The following PTH2R variants were observed in gnomAD, a reference collection of about 807,000 sequenced individuals.
PTH2R encodes parathyroid hormone 2 receptor, also known as PTH2 receptor.
A neutral mutation model predicts 60.3 loss-of-function variants in PTH2R; 59 were observed. That is an observed-to-expected ratio of 0.98 (90% confidence interval 0.79 to 1.22). PTH2R has a LOEUF of 1.22. Among genes scored for constraint, PTH2R ranks in the 50% most tolerant of loss-of-function variants. The pLI, the probability that PTH2R is intolerant of heterozygous loss-of-function variation, is 0.00. For missense variants in PTH2R, 749 were observed against 682.6 expected, an observed-to-expected ratio of 1.10 and a Z score of -1.08; for synonymous variants, 256 against 243.8, an observed-to-expected ratio of 1.05 and a Z score of -0.47.
chr2:208,450,676 T>G, intron 7 of PTH2R, 73 bp from the exon 8 acceptor site: 1 of 1,412,392 alleles, frequency 7.1e-7, no homozygotes, highest in Non-Finnish European at 1.0e-6. Context: ...TATTCTTATA[T>G]ATGGTGAATT....
At chr2:208,483,835 C>G (rs1703214683) in intron 10 of PTH2R, among the ~76,000 whole-genome samples, 1 of 152,076 alleles carries the variant, frequency 6.6e-6, no homozygotes, top group African/African-American at 2.4e-5. Flanking sequence ...AAGAGTGATT[C>G]TTTTTTCAGA....
At chr2:208,473,906 T>C (rs2105899138) in intron 9 of PTH2R, among the ~76,000 whole-genome samples, 1 of 152,314 alleles carries the variant, frequency 6.6e-6, no homozygotes, top group African/African-American at 2.4e-5. Flanking sequence ...GAGAAGTATG[T>C]GACTTAGAAT....
At chr2:208,366,538 T>A (rs746889587) in intron 1 of PTH2R, among the ~76,000 whole-genome samples, 1 of 152,212 alleles carries the variant, frequency 6.6e-6, no homozygotes, top group Non-Finnish European at 1.5e-5. Context: ...TTTCAATTTG[T>A]ACAAGATCTA....
chr2:208,489,286 AATATTTCT>A, intron 11 of PTH2R, 136 bp downstream of exon 11: 1 of 1,063,840 alleles, frequency 9.4e-7, no homozygotes, highest in East Asian at 2.5e-5. Flanking sequence ...CAGAAAGGTC[AATATTTCT>A]ATAGTGCCTG....
intron 1 of PTH2R, among the ~76,000 whole-genome samples, chr2:208,368,359 C>T (rs554555084): frequency 6.6e-6 from 1 of 152,248 alleles, no homozygotes; most frequent in East Asian, 1.9e-4. Flanking sequence ...TCAGGCATTC[C>T]TCCATGCTTA....
intron 9 of PTH2R, among the ~76,000 whole-genome samples, chr2:208,462,579 T>C (rs138076547): frequency 3.3e-5 from 5 of 152,332 alleles, no homozygotes; most frequent in African/African-American, 9.6e-5. Context: ...TGAACCCAAG[T>C]TGATATGTTT....
rs1313500820 is a variant in PTH2R at position 208,481,155 on chromosome 2, A to G, written c.1067A>G (p.Lys356Arg). The change falls in exon 10 of 13, where the codon AAG (lysine) becomes AGG (arginine). Residue 356 changes from lysine to arginine, a missense_variant. Transcript: ENST00000272847. Reference protein sequence around the residue: ...ETNAVGHDTRKQYRKLAKSTL... With the variant: ...ETNAVGHDTRRQYRKLAKSTL... ...AATGCAGTTGGGCATGACACAAGGA[A>G]GCAATACAGGTAATTTCAGGAGAGG... is the stretch of plus-strand genomic sequence containing the variant. 3 of 1,603,892 alleles carry G rather than the reference A, an allele frequency of 1.9e-6. No homozygotes were observed. In the South Asian group the frequency reaches 3.3e-5, roughly 18 times the overall value.
chr2:208,403,613 T>C (rs1013374509), upstream of PTH2R, among the ~76,000 whole-genome samples: 8 of 152,182 alleles, frequency 5.3e-5, no homozygotes, highest in African/African-American at 1.9e-4. Context: ...TCAGTTATTA[T>C]TGGTGTGTAG....
At chr2:208,369,362 C>CT (rs1301290787) in intron 1 of PTH2R, among the ~76,000 whole-genome samples, 1 of 128,322 alleles carries the variant, frequency 7.8e-6, no homozygotes, top group African/African-American at 3.4e-5. Context: ...CAACACTGGT[C>CT]TCTCTCTCTT....
At chr2:208,388,332 CAAAA>C (rs991610380) in intron 1 of PTH2R, among the ~76,000 whole-genome samples, 1 of 150,984 alleles carries the variant, frequency 6.6e-6, no homozygotes, top group Non-Finnish European at 1.5e-5. Flanking sequence ...CAAAAACAAA[CAAAA>C]AAAAACTTCA....
chr2:208,374,500 C>T lies in PTH2R; in HGVS notation c.-259+14263C>T, dbSNP rs546271717. Among the ~76,000 whole-genome samples the T allele has an allele frequency of 2.6e-5, 4 of 152,068 alleles. No individual in the cohort carries two copies. In the South Asian group the frequency reaches 6.2e-4, roughly 24 times the overall value. ...CATCGATTACTGTTTAGAATTCAAACGACATTTATTTATTTACTTTGAGAT... is the reference window on the plus strand; with the variant it reads ...CATCGATTACTGTTTAGAATTCAAATGACATTTATTTATTTACTTTGAGAT... On this transcript the variant is annotated intron_variant, in intron 1 of 12. Transcript: ENST00000617735.
At chr2:208,430,513 C>T (rs1701948123) in intron 2 of PTH2R, among the ~76,000 whole-genome samples, 1 of 147,676 alleles carries the variant, frequency 6.8e-6, no homozygotes, top group Admixed American at 6.7e-5. Context: ...AATTCTCAGC[C>T]TTTGTTGGTG....
In PTH2R at chr2:208,437,882, G is replaced by A. The variant is rs558780425; in HGVS notation, c.411+1G>A. 4 of 1,608,450 alleles carry A rather than the reference G, an allele frequency of 2.5e-6. No homozygotes were observed. The highest frequency in any genetic ancestry group is 4.5e-5 in the East Asian group (2 of 44,750). On this transcript the variant is annotated splice_donor_variant, in intron 4 of 12. Coordinates refer to ENST00000272847, the MANE Select transcript of PTH2R (RefSeq NM_005048.4). LOFTEE classifies it high-confidence loss of function. ...GCAGCCAGATATCAGCATAGGAAAG[G>A]TAATGGAATTTCTCTATTTGTGAAT...
chr2:208,455,763 G>A (rs767069669), intron 8 of PTH2R, among the ~76,000 whole-genome samples: 13 of 152,006 alleles, frequency 8.6e-5, no homozygotes, highest in Non-Finnish European at 1.9e-4. Context: ...GGATGAATGG[G>A]GTTCATATTC....
In PTH2R at chr2:208,416,353, T is replaced by A. The variant is rs146702567; in HGVS notation, c.75+9235T>A. 4.6e-3 allele frequency among the ~76,000 whole-genome samples: 708 copies of A among 152,310 alleles called. 7 individuals are homozygous for A. Among genetic ancestry groups the A allele is most frequent in the African/African-American group, 0.016 (662 of 41,560 alleles). ...TCTGCAAGCACTTTGTAGGAAATATTTGAATATATCATGTGTTATTGAACC... is the reference window on the plus strand; with the variant it reads ...TCTGCAAGCACTTTGTAGGAAATATATGAATATATCATGTGTTATTGAACC... On this transcript the variant is annotated intron_variant, in intron 1 of 12. Transcript: ENST00000272847.
chr2:208,463,619 G>A (rs939401379), intron 9 of PTH2R, among the ~76,000 whole-genome samples: 2 of 152,116 alleles, frequency 1.3e-5, no homozygotes, highest in African/African-American at 4.8e-5. Flanking sequence ...GCCACACAGC[G>A]CTGTAAGCAT....
chr2:208,409,064 T>C (rs1701486661), intron 1 of PTH2R, among the ~76,000 whole-genome samples: 1 of 152,220 alleles, frequency 6.6e-6, no homozygotes, highest in African/African-American at 2.4e-5. Flanking sequence ...GTACATAGTT[T>C]GGAAGGCAAA....
chr2:208,371,311 A>G (rs895767330), intron 1 of PTH2R, among the ~76,000 whole-genome samples: 2 of 152,150 alleles, frequency 1.3e-5, no homozygotes, highest in Non-Finnish European at 2.9e-5. Flanking sequence ...TTCTGCTATC[A>G]TCAACTCCTT....
At chr2:208,442,284 C>A in intron 4 of PTH2R, 80 bp from the exon 5 acceptor site, 1 of 1,034,634 alleles carries the variant, frequency 9.7e-7, no homozygotes. Context: ...AAATAAGATT[C>A]CAAAAATGAC....
Sources: gnomAD v4.1 joint callset for allele counts (sites outside exome capture counted in the v4.1 genomes callset) on GRCh38, gnomAD v4.1.1 for gene constraint, MANE v1.5 for transcripts, NCBI Gene and HGNC (gene_info 2026-07-23, HGNC 2026-07-21) for gene names.